Variants in DTNA observed in about 807,000 individuals in gnomAD.
The protein encoded by DTNA is dystrobrevin alpha, also known as dystrophin-related protein 3.
In DTNA, 43 loss-of-function variants were observed where a neutral mutation model predicts 100.7. The observed-to-expected ratio is 0.43, with a 90% CI of 0.33 to 0.55. The LOEUF (loss-of-function observed/expected upper bound fraction) is 0.55, where lower values mean the gene tolerates loss of function less well. Ranked by LOEUF, DTNA falls within the 20% of genes least tolerant of loss-of-function variation. The pLI is 0.04. For synonymous variants in DTNA, 349 were observed against 347.9 expected, an observed-to-expected ratio of 1.00 and a Z score of -0.04; for missense variants, 798 against 953.9, an observed-to-expected ratio of 0.84 and a Z score of 2.15.
Position 34,880,016 on chromosome 18 carries a change from C to G in DTNA, c.2162+297C>G, listed in dbSNP as rs79457048. Among the ~76,000 whole-genome samples, 14 of 152,236 alleles carry G rather than the reference C, an allele frequency of 9.2e-5. No homozygotes were observed. In the East Asian group the frequency reaches 2.7e-3, roughly 29 times the overall value. On this transcript the variant is annotated intron_variant, in intron 20 of 22. Transcript: ENST00000444659. The stretch of plus-strand genomic sequence containing the variant: ...CAAAATAGTATTAAAAAACTGCTGC[C>G]ACCCTTTTAGGACTCACAGACTAGT...
At chr18:34,874,004 T>C (rs1336484050) in intron 17 of DTNA, among the ~76,000 whole-genome samples, 1 of 152,220 alleles carries the variant, frequency 6.6e-6, no homozygotes, top group Non-Finnish European at 1.5e-5. Flanking sequence ...CTGTGCTCTG[T>C]TCTGTTTTGC....
intron 4 of DTNA, among the ~76,000 whole-genome samples, chr18:34,803,406 C>T (rs1040037163): frequency 1.3e-5 from 2 of 152,010 alleles, no homozygotes; most frequent in Non-Finnish European, 2.9e-5. Flanking sequence ...TGATCTTCTT[C>T]ATTAAAAGCT....
intron 16 of DTNA, among the ~76,000 whole-genome samples, chr18:34,860,593 A>G (rs757669640): frequency 3.0e-4 from 45 of 152,296 alleles, no homozygotes; most frequent in Non-Finnish European, 6.2e-4. Context: ...CGGAGGCTCT[A>G]TCTTTGCTCT....
At chr18:34,623,193 G>A (rs1265122562) in intron 1 of DTNA, among the ~76,000 whole-genome samples, 1 of 152,096 alleles carries the variant, frequency 6.6e-6, no homozygotes, top group African/African-American at 2.4e-5. Flanking sequence ...AGGGTCAAGG[G>A]CCAAAAAATG....
intron 12 of DTNA, 101 bp from the exon 13 acceptor site, chr18:34,838,644 T>A: frequency 6.0e-6 from 6 of 992,570 alleles, no homozygotes; most frequent in Non-Finnish European, 9.7e-6. Context: ...CTGCTTGGTT[T>A]TCTAAATGCC....
At chr18:34,885,736 T>A (rs1049086815) in intron 22 of DTNA, among the ~76,000 whole-genome samples, 1 of 152,232 alleles carries the variant, frequency 6.6e-6, no homozygotes, top group Non-Finnish European at 1.5e-5. Context: ...TATCATTTAT[T>A]ATGAACATTC....
rs763624581 is a variant in DTNA at position 34,890,683 on chromosome 18, G to T, written c.*2949G>T. On this transcript the variant is annotated 3_prime_UTR_variant, in exon 23 of 23. Transcript: ENST00000444659. ...ACAGTTGTGGTTGGTCAGGACGGAA[G>T]TTGGGGTAAGTTTGGTTGGTCAGAG... 2 of 634,766 alleles carry T rather than the reference G, an allele frequency of 3.2e-6. No individual in the cohort carries two copies. The highest frequency in any genetic ancestry group is 2.6e-6 in the Non-Finnish European group (1 of 389,034). 39.3% of individuals were successfully genotyped at this position (634,766 alleles called of 1,614,324 possible). A position where few individuals can be genotyped will look rare whatever the true frequency, so the allele number is the denominator to read the frequency against.
Position 34,650,051 on chromosome 18 carries a change from A to G in DTNA, c.-1-105925A>G, listed in dbSNP as rs538375654. 1.3e-4 allele frequency among the ~76,000 whole-genome samples: 19 copies of G among 150,726 alleles called. 1 individual carries two copies. The highest frequency in any genetic ancestry group is 4.7e-4 in the African/African-American group (19 of 40,686). Reference sequence around the variant, plus strand: ...TGGTAGTTCACAACCTAGCAAAAGAAAAAAAAAAACTGAAGTCTTGGATAA... The same window carrying G: ...TGGTAGTTCACAACCTAGCAAAAGAGAAAAAAAAACTGAAGTCTTGGATAA... On this transcript the variant is annotated intron_variant, in intron 1 of 19. Transcript: ENST00000283365.
intron 13 of DTNA, among the ~76,000 whole-genome samples, chr18:34,845,897 C>A (rs1473944934): frequency 6.6e-6 from 1 of 152,124 alleles, no homozygotes; most frequent in Non-Finnish European, 1.5e-5. Flanking sequence ...GGGATTGATA[C>A]TAAACATTAT....
In DTNA at chr18:34,860,233, T is replaced by TG. The variant is rs1397798475; in HGVS notation, c.1646+1835_1646+1836insG. Among the ~76,000 whole-genome samples, 85 of 138,060 alleles carry TG rather than the reference T, an allele frequency of 6.2e-4. No homozygotes were observed. The Middle Eastern group carries it at 0.018, about 30-fold the overall frequency. The allele number at this position is 138,060 out of a possible 152,430, so 90.6% of individuals were successfully genotyped here. A position where few individuals can be genotyped will look rare whatever the true frequency, so the allele number is the denominator to read the frequency against. ...GGCTAATTTTTTGTTTTTTTTTTTT[T>TG]TTTTTTTTTTTTTTTTGGAGAGACG... On this transcript the variant is annotated intron_variant, in intron 16 of 22. Coordinates refer to ENST00000444659, the MANE Select transcript of DTNA (RefSeq NM_001386795.1).
intron 1 of DTNA, among the ~76,000 whole-genome samples, chr18:34,647,126 G>A (rs2059936797): frequency 6.6e-6 from 1 of 151,694 alleles, no homozygotes; most frequent in Admixed American, 6.6e-5. Flanking sequence ...TTCCTCTTTA[G>A]GAAGCACTCT....
intron 1 of DTNA, among the ~76,000 whole-genome samples, chr18:34,633,773 G>C (rs140007597): frequency 4.6e-4 from 70 of 152,348 alleles, no homozygotes; most frequent in African/African-American, 1.6e-3. Flanking sequence ...AAGGACTGTA[G>C]AGTAGTGAAC....
intron 12 of DTNA, 82 bp downstream of exon 12, chr18:34,838,253 T>A: frequency 7.0e-7 from 1 of 1,436,276 alleles, no homozygotes; most frequent in Non-Finnish European, 9.7e-7. Context: ...ATGCTTTGTG[T>A]GTGAAAGACT....
chr18:34,736,563 C>T (rs551527759), intron 1 of DTNA, among the ~76,000 whole-genome samples: 1 of 152,060 alleles, frequency 6.6e-6, no homozygotes, highest in South Asian at 2.1e-4. Context: ...GGGTGGACAG[C>T]GAAGATAAAG....
chr18:34,736,646 G>A (rs2089652336), intron 1 of DTNA, among the ~76,000 whole-genome samples: 1 of 152,064 alleles, frequency 6.6e-6, no homozygotes, highest in Non-Finnish European at 1.5e-5. Context: ...AACTTCTTAG[G>A]ATTAAAAGAC....
intron 21 of DTNA, among the ~76,000 whole-genome samples, chr18:34,882,955 T>C (rs775890664): frequency 1.8e-4 from 27 of 152,066 alleles, no homozygotes; most frequent in African/African-American, 4.3e-4. Context: ...CCTGGAGAAA[T>C]GTTGGGGGAA....
rs35537934 is a variant in DTNA, at chr18:34,747,104, C to CTATATATATATATATATA, written c.-1-8855_-1-8854insATATATATATATATATAT. ...CCCATATCTATATCTATATCTGTAT[C>CTATATATATATATATATA]TATATATATATATATATGTTTATGT... On this transcript the variant is annotated intron_variant, in intron 1 of 22. Coordinates refer to ENST00000444659, the MANE Select transcript of DTNA (RefSeq NM_001386795.1). Among the ~76,000 whole-genome samples, 717 of 148,244 alleles carry CTATATATATATATATATA rather than the reference C, an allele frequency of 4.8e-3. 9 individuals are homozygous for CTATATATATATATATATA. Among genetic ancestry groups the CTATATATATATATATATA allele is most frequent in the African/African-American group, 0.017 (690 of 39,786 alleles).
intron 13 of DTNA, among the ~76,000 whole-genome samples, 190 bp from the exon 14 acceptor site, chr18:34,848,106 T>A (rs1318977169): frequency 6.6e-6 from 1 of 152,232 alleles, no homozygotes; most frequent in Non-Finnish European, 1.5e-5. Flanking sequence ...GATTTATTAA[T>A]GACCTTCCCG....
intron 3 of DTNA, among the ~76,000 whole-genome samples, chr18:34,782,870 A>G (rs963253368): frequency 1.3e-5 from 2 of 152,168 alleles, no homozygotes; most frequent in African/African-American, 2.4e-5. Context: ...TAGGATAGAC[A>G]GAAAGAGACA....
Sources: gnomAD v4.1 joint callset for allele counts (sites outside exome capture counted in the v4.1 genomes callset) on GRCh38, gnomAD v4.1.1 for gene constraint, MANE v1.5 for transcripts, NCBI Gene and HGNC (gene_info 2026-07-23, HGNC 2026-07-21) for gene names.